Variants in ATP7B observed in about 807,000 individuals in gnomAD.
ATP7B encodes copper-transporting ATPase 2.
ATP7B carries 113 observed loss-of-function variants against 118.9 expected under a neutral mutation model. That is an observed-to-expected ratio of 0.95 (90% CI 0.82 to 1.11). ATP7B has a LOEUF of 1.11. Among genes scored for constraint, ATP7B ranks in the 50% most tolerant of loss-of-function variants. The pLI, the probability that ATP7B is intolerant of heterozygous loss-of-function variation, is 0.00. For synonymous variants in ATP7B, 777 were observed against 727.4 expected, an observed-to-expected ratio of 1.07 and a Z score of -1.10; for missense variants, 1,867 against 1,871.4, an observed-to-expected ratio of 1.00 and a Z score of 0.04.
At chr13:51,961,702 T>G in intron 6 of ATP7B, 135 bp downstream of exon 6, 1 of 845,382 alleles carries the variant, frequency 1.2e-6, no homozygotes, top group South Asian at 1.4e-5. Flanking sequence ...TTCAGAGGGT[T>G]CACATTACAA....
At chr13:51,967,531 A>G (rs976710367) in intron 4 of ATP7B, among the ~76,000 whole-genome samples, 6 of 152,210 alleles carry the variant, frequency 3.9e-5, no homozygotes, top group African/African-American at 1.4e-4. Context: ...GGGGCTGACC[A>G]AAGCTGTGTC....
At position 51,970,605 on chromosome 13, in the gene ATP7B, T is replaced by C. The variant is rs1186278675; in HGVS notation, c.1430A>G (p.Lys477Arg). The C allele has an allele frequency of 1.2e-6, 2 of 1,614,106 alleles. No individual in the cohort carries two copies. The highest frequency in any genetic ancestry group is 2.2e-5 in the South Asian group (2 of 91,070). The change falls in exon 3 of 21, where the codon AAG becomes AGG. Residue 477 changes from lysine (K) to arginine (R), a missense_variant. Physicochemically the swap from Lys to Arg is conservative, Grantham distance 26. Transcript: ENST00000242839. The stretch of plus-strand genomic sequence containing the variant: ...CACTGCTCTGGTTGATTGTGGGGAC[T>C]TTGCCAAGATGTCCGGGGCATGGTT... ...PANHAPDILA[K>R]SPQSTRAVAP...
chr13:51,973,848 G>A, intron 2 of ATP7B, 87 bp downstream of exon 2: 1 of 1,582,826 alleles, frequency 6.3e-7, no homozygotes, highest in Non-Finnish European at 8.7e-7. Context: ...GCAGGGAGCA[G>A]GGCTCACCTA....
At chr13:51,940,293 G>C (rs576619161) in intron 16 of ATP7B, among the ~76,000 whole-genome samples, 1 of 148,172 alleles carries the variant, frequency 6.7e-6, no homozygotes, top group Admixed American at 6.7e-5. Context: ...GATTACAGGC[G>C]TGAGCCACCG....
intron 14 of ATP7B, 28 bp from the exon 15 acceptor site, chr13:51,942,582 A>T (rs780932352): frequency 1.2e-6 from 2 of 1,613,526 alleles, no homozygotes; most frequent in South Asian, 2.2e-5. Context: ...GAGGAAGAGG[A>T]AACTGTAAGC....
At chr13:51,972,719 G>A (rs1951900542) in intron 2 of ATP7B, among the ~76,000 whole-genome samples, 1 of 152,218 alleles carries the variant, frequency 6.6e-6, no homozygotes, top group Non-Finnish European at 1.5e-5. Flanking sequence ...CATGATGGTG[G>A]CTGAGCATAG....
intron 1 of ATP7B, among the ~76,000 whole-genome samples, chr13:51,991,424 G>C (rs1952904271): frequency 6.6e-6 from 1 of 152,058 alleles, no homozygotes; most frequent in Non-Finnish European, 1.5e-5. Context: ...AGCTCGGGAG[G>C]TGGAGGTTGC....
chr13:51,939,338 T>C, intron 16 of ATP7B, 145 bp from the exon 17 acceptor site: 1 of 1,340,114 alleles, frequency 7.5e-7, no homozygotes, highest in South Asian at 1.3e-5. Context: ...TTTTTTGCTT[T>C]TTAAAAAGTA....
chr13:52,004,769 G>T lies in ATP7B; in HGVS notation c.51+6518C>A, dbSNP rs1388000966. ...TGTAGTCTGGCACTGCCCAATTCAT[G>T]ACTGATGGTACTGCCCTAGTGGGGG... is the stretch of plus-strand genomic sequence containing the variant. On this transcript the variant is annotated intron_variant, in intron 1 of 20. Transcript: ENST00000242839. Among the ~76,000 whole-genome samples, 3 of 152,288 alleles carry T rather than the reference G, an allele frequency of 2.0e-5. No individual in the cohort carries two copies. In the East Asian group the frequency reaches 5.8e-4, roughly 29 times the overall value.
chr13:51,934,336 T>G lies in ATP7B; in HGVS notation c.*420A>C. On this transcript the variant is annotated 3_prime_UTR_variant, in exon 21 of 21. Transcript: ENST00000242839. ...GAAACATGATGCACACAGACAGGCG[T>G]CATCAGAAAGACCCTGACAGTGAGG... 3.4e-6 allele frequency: 1 copy of G among 296,252 alleles called. No individual in the cohort carries two copies. 18.4% of individuals were successfully genotyped at this position (296,252 alleles called of 1,614,324 possible).
chr13:51,975,044 G>A lies in ATP7B; in HGVS notation c.176C>T (p.Thr59Ile), dbSNP rs768112104. 5.0e-6 allele frequency: 8 copies of A among 1,614,102 alleles called. No homozygotes were observed. Among genetic ancestry groups the A allele is most frequent in the Non-Finnish European group, 6.8e-6 (8 of 1,180,054 alleles). ...CATGCCCAAGATCCTGACTGTGCTGGTGGCCACCTGAGAAGAAGGGCCCAG... is the reference window on the plus strand; with the variant it reads ...CATGCCCAAGATCCTGACTGTGCTGATGGCCACCTGAGAAGAAGGGCCCAG... Reference protein sequence around the residue: ...DGLGPSSQVATSTVRILGMTC... With the variant: ...DGLGPSSQVAISTVRILGMTC... The change falls in exon 2 of 21, where the codon ACC becomes ATC. Residue 59 changes from threonine (T) to isoleucine (I), a missense_variant. By Grantham distance (89) the Thr-to-Ile change is moderately conservative (BLOSUM62 -1). Transcript: ENST00000242839.
At chr13:51,959,118 G>C (rs990192319) in intron 7 of ATP7B, 1 of 160,196 alleles carries the variant, frequency 6.2e-6, no homozygotes, top group African/African-American at 2.4e-5. Context: ...GAGATTGGGC[G>C]GGAGGCAGAA....
chr13:51,943,957 GC>G, intron 14 of ATP7B, 151 bp downstream of exon 14: 1 of 930,652 alleles, frequency 1.1e-6, no homozygotes, highest in East Asian at 2.6e-5. Context: ...CTGACTGTGA[GC>G]CCTATATCTC....
chr13:51,939,767 T>C (rs1406632447), intron 16 of ATP7B, among the ~76,000 whole-genome samples: 2 of 152,110 alleles, frequency 1.3e-5, no homozygotes, highest in Non-Finnish European at 2.9e-5. Context: ...AATTCTGGTT[T>C]GATAGCCGAG....
chr13:51,993,072 T>G (rs1490147357), intron 1 of ATP7B, among the ~76,000 whole-genome samples: 2 of 149,464 alleles, frequency 1.3e-5, no homozygotes, highest in African/African-American at 2.5e-5. Flanking sequence ...AAATGCAAAG[T>G]ATAAGATAGT....
intron 9 of ATP7B, among the ~76,000 whole-genome samples, chr13:51,956,562 A>C (rs1387342644): frequency 6.6e-6 from 1 of 152,164 alleles, no homozygotes; most frequent in Non-Finnish European, 1.5e-5. Context: ...CCAACGGGGC[A>C]GGAGCGGGAG....
Position 51,968,322 on chromosome 13 carries a change from T to C in ATP7B, c.1707+122A>G. 2.1e-6 allele frequency: 3 copies of C among 1,436,922 alleles called. No homozygotes were observed. In the South Asian group the frequency reaches 3.6e-5, roughly 17 times the overall value. The allele number at this position is 1,436,922 out of a possible 1,614,324, so 89.0% of individuals were successfully genotyped here. A position where few individuals can be genotyped will look rare whatever the true frequency, so the allele number is the denominator to read the frequency against. Reference sequence around the variant, plus strand: ...TCAAAGGAAAGTGAAACAAACAAAATACCCAACAACAACAAACCAGACACG... The same window carrying C: ...TCAAAGGAAAGTGAAACAAACAAAACACCCAACAACAACAAACCAGACACG... On this transcript the variant is annotated intron_variant, in intron 4 of 20. Transcript: ENST00000242839.
chr13:51,962,454 C>T (rs1045783897), intron 5 of ATP7B, among the ~76,000 whole-genome samples: 2 of 152,222 alleles, frequency 1.3e-5, no homozygotes, highest in African/African-American at 2.4e-5. Context: ...TTTGTTACCA[C>T]GTTCATCTGA....
intron 16 of ATP7B, among the ~76,000 whole-genome samples, chr13:51,939,607 CCTT>C (rs1408849200): frequency 6.6e-6 from 1 of 152,172 alleles, no homozygotes; most frequent in African/African-American, 2.4e-5. Flanking sequence ...GAAAATCAAT[CCTT>C]CGTCTTTTCC....
Sources: gnomAD v4.1 joint callset for allele counts (sites outside exome capture counted in the v4.1 genomes callset) on GRCh38, gnomAD v4.1.1 for gene constraint, MANE v1.5 for transcripts, NCBI Gene and HGNC (gene_info 2026-07-23, HGNC 2026-07-21) for gene names.